Variants in PPARGC1A observed in about 807,000 individuals in gnomAD.
PPARGC1A encodes the protein peroxisome proliferator-activated receptor gamma coactivator 1-alpha.
Under a neutral mutation model 88.7 loss-of-function variants are expected in PPARGC1A, and 25 were observed. The ratio of observed to expected loss-of-function variants is 0.28; its 90% CI spans 0.21 to 0.39. The LOEUF (loss-of-function observed/expected upper bound fraction) is 0.39, where lower values mean the gene tolerates loss of function less well. Ranked by LOEUF, PPARGC1A falls within the 10% of genes least tolerant of loss-of-function variation. The probability of loss-of-function intolerance (pLI) is 1.00; values close to 1 mark genes in which losing one functional copy is unlikely to be tolerated. For missense variants in PPARGC1A, 880 were observed against 968.7 expected (o/e 0.91, Z 1.22); for synonymous variants, 363 against 355.6 (o/e 1.02, Z -0.24).
chr4:23,812,904 C>T, intron 9 of PPARGC1A, 37 bp from the exon 10 acceptor site: 1 of 1,613,826 alleles, frequency 6.2e-7, no homozygotes, highest in South Asian at 1.1e-5. Context: ...TCAACCACCT[C>T]AATTTTCATG....
At chr4:24,403,096 T>C in the PPARGC1A span, among the ~76,000 whole-genome samples, 1 of 152,200 alleles carries the variant, frequency 6.6e-6, no homozygotes, top group Non-Finnish European at 1.5e-5. Context: ...CAAGGTCACA[T>C]AGTTAATGAG....
chr4:23,942,087 A>G, the PPARGC1A span, among the ~76,000 whole-genome samples: 1 of 151,974 alleles, frequency 6.6e-6, no homozygotes, highest in African/African-American at 2.4e-5. Flanking sequence ...AAAAAAAAAG[A>G]AGAAAGAGAA....
chr4:23,990,918 G>A, the PPARGC1A span, among the ~76,000 whole-genome samples: 1 of 151,954 alleles, frequency 6.6e-6, no homozygotes, highest in Non-Finnish European at 1.5e-5. Flanking sequence ...GGCTAAAACT[G>A]TTCTCCAAAG....
the PPARGC1A span, among the ~76,000 whole-genome samples, chr4:24,069,785 C>T: frequency 6.6e-6 from 1 of 152,172 alleles, no homozygotes; most frequent in African/African-American, 2.4e-5. Context: ...GTATCTTCAT[C>T]CATCCAGTAG....
chr4:24,181,384 T>A, the PPARGC1A span, among the ~76,000 whole-genome samples: 2 of 152,218 alleles, frequency 1.3e-5, no homozygotes, highest in Non-Finnish European at 2.9e-5. Context: ...ATAGATAGGA[T>A]AATATTGGTA....
chr4:24,049,153 A>T, the PPARGC1A span, among the ~76,000 whole-genome samples: 21 of 149,806 alleles, frequency 1.4e-4, no homozygotes, highest in Admixed American at 4.7e-4. Context: ...TGTGTGTGTG[A>T]GTGTGTGTAA....
the PPARGC1A span, among the ~76,000 whole-genome samples, chr4:24,088,157 G>A: frequency 6.6e-6 from 1 of 151,858 alleles, no homozygotes; most frequent in African/African-American, 2.4e-5. Flanking sequence ...AAGATTAGTC[G>A]AGGCAACATA....
chr4:24,433,473 C>T, the PPARGC1A span, among the ~76,000 whole-genome samples: 1 of 152,124 alleles, frequency 6.6e-6, no homozygotes, highest in African/African-American at 2.4e-5. Flanking sequence ...AGGAAAATCC[C>T]CATCTCTTTT....
At chr4:24,248,086 T>A in the PPARGC1A span, among the ~76,000 whole-genome samples, 1 of 152,196 alleles carries the variant, frequency 6.6e-6, no homozygotes, top group South Asian at 2.1e-4. Context: ...GCATATTATC[T>A]GCCAAAACCC....
the PPARGC1A span, among the ~76,000 whole-genome samples, chr4:24,168,703 C>A: frequency 6.6e-6 from 1 of 152,086 alleles, no homozygotes; most frequent in African/African-American, 2.4e-5. Context: ...TAGCCACCAA[C>A]TGAAAGAATT....
intron 3 of PPARGC1A, 96 bp downstream of exon 3, chr4:23,831,461 G>GA: frequency 8.8e-7 from 1 of 1,141,330 alleles, no homozygotes; most frequent in Non-Finnish European, 1.3e-6. Context: ...CATTCTAAAT[G>GA]AAAAAATCCA....
the PPARGC1A span, among the ~76,000 whole-genome samples, chr4:24,049,215 AATATATATATACATATATATAAATAT>A: frequency 1.2e-4 from 1 of 8,622 alleles, no homozygotes; most frequent in Non-Finnish European, 1.0e-3. Context: ...CATATATATA[AATATATATATACATATATATAAATAT>A]ATATACACAT....
upstream of PPARGC1A, among the ~76,000 whole-genome samples, chr4:23,890,602 CTTTTTTTTTTTTT>C (rs56855205): frequency 7.2e-4 from 74 of 103,270 alleles, no homozygotes; most frequent in Non-Finnish European, 9.3e-4. Flanking sequence ...GCAAACGGGG[CTTTTTTTTTTTTT>C]TTTTTTTTTT....
chr4:24,200,596 T>G, the PPARGC1A span, among the ~76,000 whole-genome samples: 8 of 119,584 alleles, frequency 6.7e-5, no homozygotes, highest in African/African-American at 2.1e-4. Flanking sequence ...AACAGGGAAA[T>G]GGGATTGGAA....
At chr4:24,397,152 G>A in the PPARGC1A span, among the ~76,000 whole-genome samples, 1 of 152,094 alleles carries the variant, frequency 6.6e-6, no homozygotes, top group African/African-American at 2.4e-5. Context: ...GCACACACTA[G>A]TAATCAAAGA....
At chr4:24,161,383 G>A in the PPARGC1A span, among the ~76,000 whole-genome samples, 1 of 152,166 alleles carries the variant, frequency 6.6e-6, no homozygotes. Flanking sequence ...GGTTTCCCAT[G>A]GAAGGAGCCT....
intron 12 of PPARGC1A, among the ~76,000 whole-genome samples, chr4:23,800,226 T>C (rs958193964): frequency 1.3e-5 from 2 of 152,182 alleles, no homozygotes; most frequent in Non-Finnish European, 2.9e-5. Context: ...TAGATTTATA[T>C]GTTAATTTCA....
intron 2 of PPARGC1A, among the ~76,000 whole-genome samples, chr4:23,859,339 A>G (rs960740710): frequency 6.6e-6 from 1 of 152,196 alleles, no homozygotes; most frequent in South Asian, 2.1e-4. Flanking sequence ...GGCTTGTCCA[A>G]TTATCTCTAG....
the PPARGC1A span, among the ~76,000 whole-genome samples, chr4:23,913,261 T>TAGAG: frequency 2.4e-3 from 130 of 54,558 alleles, no homozygotes; most frequent in Non-Finnish European, 3.8e-3. Context: ...TATATATATA[T>TAGAG]ATATATAGAG....
Sources: gnomAD v4.1 joint callset for allele counts (sites outside exome capture counted in the v4.1 genomes callset) on GRCh38, gnomAD v4.1.1 for gene constraint, MANE v1.5 for transcripts, NCBI Gene and HGNC (gene_info 2026-07-23, HGNC 2026-07-21) for gene names.